PAIP2: variants seen among roughly 807,000 people sequenced by gnomAD.
PAIP2 encodes polyadenylate-binding protein-interacting protein 2.
PAIP2 carries 7 observed loss-of-function variants against 14.8 expected under a neutral mutation model. That is an observed-to-expected ratio of 0.47 (90% CI 0.27 to 0.89). The LOEUF is 0.89. Among genes scored for constraint, PAIP2 ranks in the 40% least tolerant of loss-of-function variants. The pLI is 0.13. For missense variants in PAIP2, 122 were observed against 154.7 expected, an observed-to-expected ratio of 0.79 and a Z score of 1.12; for synonymous variants, 47 against 45.3, an observed-to-expected ratio of 1.04 and a Z score of -0.15.
In PAIP2 at chr5:139,367,040, A is replaced by G. The variant is rs368782386; in HGVS notation, c.319-1693A>G. On this transcript the variant is annotated intron_variant, in intron 3 of 3. Coordinates refer to ENST00000265192, the MANE Select transcript of PAIP2 (RefSeq NM_016480.5). Reference sequence around the variant, plus strand: ...GTTCCGCTGCCCTCCAGTCTAAGCAACAGAGCGAGTCCATGTCTCAAAAAA... The same window carrying G: ...GTTCCGCTGCCCTCCAGTCTAAGCAGCAGAGCGAGTCCATGTCTCAAAAAA... Among the ~76,000 whole-genome samples, 8 of 152,336 alleles carry G rather than the reference A, an allele frequency of 5.3e-5. No individual in the cohort carries two copies. In the East Asian group the frequency reaches 1.5e-3, roughly 29 times the overall value.
chr5:139,349,498 C>T (rs975838943), intron 1 of PAIP2, among the ~76,000 whole-genome samples: 2 of 152,158 alleles, frequency 1.3e-5, no homozygotes, highest in African/African-American at 2.4e-5. Flanking sequence ...CCACGCGCCT[C>T]AGCCTCCCAA....
At position 139,348,782 on chromosome 5, in the gene PAIP2, A is replaced by G. The variant is rs576669079; in HGVS notation, c.-27+6802A>G. On this transcript the variant is annotated intron_variant, in intron 1 of 3. Transcript: ENST00000265192. ...AACCTCTGCCTCCCAGGTTCAAGCAATTCTCCTGCCTCAGCCTCCCCAGTA... is the reference window on the plus strand; with the variant it reads ...AACCTCTGCCTCCCAGGTTCAAGCAGTTCTCCTGCCTCAGCCTCCCCAGTA... Among the ~76,000 whole-genome samples the G allele has an allele frequency of 9.2e-5, 14 of 151,374 alleles. No homozygotes were observed. The South Asian group carries it at 1.9e-3, about 20-fold the overall frequency.
intron 3 of PAIP2, chr5:139,365,138 CTA>C (rs1757177360): frequency 8.7e-6 from 1 of 115,330 alleles, no homozygotes; most frequent in Admixed American, 1.0e-4. Context: ...GAGTGAAACT[CTA>C]TTAAATAAAT....
At chr5:139,351,302 A>G (rs1756723854) in intron 1 of PAIP2, among the ~76,000 whole-genome samples, 1 of 151,714 alleles carries the variant, frequency 6.6e-6, no homozygotes, top group Non-Finnish European at 1.5e-5. Flanking sequence ...AAGCACTACT[A>G]CCTTGTCTCT....
chr5:139,352,596 C>T (rs1338752592), intron 1 of PAIP2, among the ~76,000 whole-genome samples: 3 of 148,104 alleles, frequency 2.0e-5, no homozygotes, highest in East Asian at 2.0e-4. Context: ...CTCAGCCTCC[C>T]GAGTAGCTGT....
rs1756390937 is a variant in PAIP2, at chr5:139,341,978, T to TG, written c.-27+1dup. The TG allele has an allele frequency of 6.6e-6, 1 of 152,660 alleles. No individual in the cohort carries two copies. Among genetic ancestry groups the TG allele is most frequent in the African/African-American group, 2.4e-5 (1 of 41,426 alleles). 9.5% of individuals were successfully genotyped at this position (152,660 alleles called of 1,614,324 possible). ...GGCTGCCGTCCCCGCTGCTGTGCAT[T>TG]GGGTGAGGGGTCCTCTCGGGCAGAG... On this transcript the variant is annotated splice_region_variant and 5_prime_UTR_variant, in exon 1 of 4. Transcript: ENST00000265192.
chr5:139,364,697 T>TC lies in PAIP2; in HGVS notation c.272_273insC (p.Asn92Ter). On this transcript the variant is annotated frameshift_variant, in exon 3 of 4. Coordinates refer to ENST00000265192, the MANE Select transcript of PAIP2 (RefSeq NM_016480.5). LOFTEE classifies it high-confidence loss of function. The stretch of plus-strand genomic sequence containing the variant: ...ACTATGGACCAAATCCAAGACCAGT[T>TC]TAATGACCTTGTTATCAGTGATGGC... 1 of 1,613,110 alleles carries TC rather than the reference T, an allele frequency of 6.2e-7. No homozygotes were observed. Among genetic ancestry groups the TC allele is most frequent in the Non-Finnish European group, 8.5e-7 (1 of 1,179,182 alleles).
intron 1 of PAIP2, among the ~76,000 whole-genome samples, chr5:139,362,405 GTTTT>G (rs554669690): frequency 2.7e-5 from 2 of 73,928 alleles, no homozygotes; most frequent in Non-Finnish European, 5.5e-5. Context: ...GTTTTTGGGT[GTTTT>G]TTTTTTTTTT....
At chr5:139,345,034 T>TTTGTTG (rs369393131) in intron 1 of PAIP2, among the ~76,000 whole-genome samples, 6 of 151,636 alleles carry the variant, frequency 4.0e-5, no homozygotes, top group Admixed American at 1.3e-4. Flanking sequence ...CCCATGGGTT[T>TTTGTTG]TTGTTGTTGT....
chr5:139,349,672 A>T (rs1435217246), intron 1 of PAIP2, among the ~76,000 whole-genome samples: 4 of 152,246 alleles, frequency 2.6e-5, no homozygotes. Context: ...ACATGAAATT[A>T]TTATGAAAGA....
intron 1 of PAIP2, among the ~76,000 whole-genome samples, chr5:139,358,914 G>A (rs998454774): frequency 2.0e-5 from 3 of 152,282 alleles, no homozygotes; most frequent in Non-Finnish European, 4.4e-5. Context: ...TTGGGGTGGT[G>A]AAAATGTTCT....
intron 1 of PAIP2, chr5:139,342,365 ATTGTTTC>A (rs1756406793): frequency 6.6e-6 from 1 of 151,232 alleles, no homozygotes; most frequent in African/African-American, 2.4e-5. Flanking sequence ...AACAAAGCTT[ATTGTTTC>A]TACCCACTTT....
intron 1 of PAIP2, among the ~76,000 whole-genome samples, chr5:139,358,855 G>T (rs918888570): frequency 6.6e-6 from 1 of 152,208 alleles, no homozygotes; most frequent in African/African-American, 2.4e-5. Context: ...GTCCAAGTTG[G>T]GGGGCTTGGG....
chr5:139,342,223 T>G (rs1756400410), intron 1 of PAIP2, among the ~76,000 whole-genome samples: 1 of 152,066 alleles, frequency 6.6e-6, no homozygotes, highest in South Asian at 2.1e-4. Context: ...GATTTGGATC[T>G]CGCAGCTCTC....
intron 1 of PAIP2, among the ~76,000 whole-genome samples, chr5:139,349,777 G>A (rs980746707): frequency 1.3e-5 from 2 of 151,974 alleles, no homozygotes; most frequent in Non-Finnish European, 2.9e-5. Context: ...GCTGAGATAG[G>A]TGGATCACAA....
intron 1 of PAIP2, among the ~76,000 whole-genome samples, chr5:139,354,537 A>G (rs549238408): frequency 7.2e-5 from 11 of 152,166 alleles, no homozygotes; most frequent in Non-Finnish European, 1.6e-4. Flanking sequence ...TCTTAGATAC[A>G]TAGATTTGTG....
chr5:139,364,725 T>C lies in PAIP2; in HGVS notation c.300T>C (p.Ser100=). 1 of 1,604,172 alleles carries C rather than the reference T, an allele frequency of 6.2e-7. No individual in the cohort carries two copies. Among genetic ancestry groups the C allele is most frequent in the Non-Finnish European group, 8.5e-7 (1 of 1,175,276 alleles). ...QFNDLVISDG[S]SLEDLVVKSN... is the part of the protein sequence containing the mutation. ...ATGACCTTGTTATCAGTGATGGCTC[T>C]TCTCTGGAAGATCTTGTGGTAAAAA... Residue 100 remains serine, a synonymous_variant, in exon 3 of 4, where the codon TCT becomes TCC. Transcript: ENST00000265192.
At chr5:139,353,654 A>G (rs1313957611) in intron 1 of PAIP2, among the ~76,000 whole-genome samples, 1 of 152,190 alleles carries the variant, frequency 6.6e-6, no homozygotes, top group Non-Finnish European at 1.5e-5. Flanking sequence ...TGTTACTACA[A>G]AATACATCTT....
intron 1 of PAIP2, among the ~76,000 whole-genome samples, chr5:139,347,542 G>A (rs949216563): frequency 1.3e-5 from 2 of 152,010 alleles, no homozygotes; most frequent in Admixed American, 6.6e-5. Context: ...CCAAAGTGGT[G>A]GGATTACAGG....
Sources: gnomAD v4.1 joint callset for allele counts (sites outside exome capture counted in the v4.1 genomes callset) on GRCh38, gnomAD v4.1.1 for gene constraint, MANE v1.5 for transcripts, NCBI Gene and HGNC (gene_info 2026-07-23, HGNC 2026-07-21) for gene names.